The following DPP6 variants were observed in gnomAD, a reference collection of about 807,000 sequenced individuals.
The protein encoded by DPP6 is A-type potassium channel modulatory protein DPP6.
A neutral mutation model predicts 122.6 loss-of-function variants in DPP6; 69 were observed. The observed-to-expected ratio is 0.56, with a 90% confidence interval of 0.46 to 0.69. The LOEUF (loss-of-function observed/expected upper bound fraction) is 0.69. Among genes scored for constraint, DPP6 ranks in the 30% least tolerant of loss-of-function variants. The probability of loss-of-function intolerance (pLI) is 0.00; values close to 1 mark genes in which losing one functional copy is unlikely to be tolerated. For missense variants in DPP6, 928 were observed against 1,116.9 expected (o/e 0.83, Z 2.41); for synonymous variants, 418 against 433.1 (o/e 0.97, Z 0.43).
At chr7:154,706,286 G>A (rs1840825287) in intron 7 of DPP6, among the ~76,000 whole-genome samples, 1 of 152,120 alleles carries the variant, frequency 6.6e-6, no homozygotes, top group South Asian at 2.1e-4. Context: ...GGTGAACGTG[G>A]CTCCCTCTCC....
At chr7:154,205,782 AAAT>A (rs1799413954) in intron 1 of DPP6, among the ~76,000 whole-genome samples, 8 of 62,994 alleles carry the variant, frequency 1.3e-4, no homozygotes, top group African/African-American at 2.8e-4. Context: ...AAAAAAAAAA[AAAT>A]TAATTAATTA....
chr7:154,591,748 T>C, intron 5 of DPP6, among the ~76,000 whole-genome samples: 1 of 152,190 alleles, frequency 6.6e-6, no homozygotes, highest in East Asian at 1.9e-4. Context: ...GCCAAATGCA[T>C]CGCCAGCTGC....
intron 5 of DPP6, among the ~76,000 whole-genome samples, chr7:154,633,831 C>T (rs1408041914): frequency 2.0e-5 from 3 of 152,090 alleles, no homozygotes; most frequent in African/African-American, 7.2e-5. Context: ...TCCCACTTCC[C>T]CATTTTTTAA....
intron 1 of DPP6, among the ~76,000 whole-genome samples, chr7:153,909,772 G>T (rs1800000974): frequency 6.6e-6 from 1 of 152,224 alleles, no homozygotes. Context: ...GGAGCTTTCT[G>T]AGTACCTTTT....
intron 1 of DPP6, among the ~76,000 whole-genome samples, chr7:154,257,049 A>G (rs1234221110): frequency 6.9e-6 from 1 of 145,568 alleles, no homozygotes; most frequent in Non-Finnish European, 1.5e-5. Flanking sequence ...TGGGTTGGAA[A>G]GCAGTGGTGT....
intron 1 of DPP6, among the ~76,000 whole-genome samples, chr7:153,908,592 T>G (rs1174404531): frequency 6.6e-6 from 1 of 152,116 alleles, no homozygotes; most frequent in Non-Finnish European, 1.5e-5. Context: ...AATGTGGCAT[T>G]TATTTTTCTG....
At chr7:154,404,966 G>T (rs1447083211) in intron 1 of DPP6, among the ~76,000 whole-genome samples, 1 of 152,228 alleles carries the variant, frequency 6.6e-6, no homozygotes, top group Admixed American at 6.5e-5. Flanking sequence ...CTTAGAATAA[G>T]TTTAGTAATA....
Position 154,607,110 on chromosome 7 carries a change from G to C in DPP6, c.628-30711G>C, listed in dbSNP as rs1178633731. Reference sequence around the variant, plus strand: ...TCCACATGAGCAGCTCATTTCTCCAGTAAACTGTGGATCACAGGAAAAAGT... The same window carrying C: ...TCCACATGAGCAGCTCATTTCTCCACTAAACTGTGGATCACAGGAAAAAGT... On this transcript the variant is annotated intron_variant, in intron 5 of 25. Transcript: ENST00000377770. Among the ~76,000 whole-genome samples the C allele has an allele frequency of 1.7e-5, 2 of 120,904 alleles. 1 individual carries two copies. The highest frequency in any genetic ancestry group is 5.3e-5 in the African/African-American group (2 of 37,914). 79.3% of individuals were successfully genotyped at this position (120,904 alleles called of 152,430 possible).
In DPP6 at chr7:154,875,182, G is replaced by A. The variant is rs552389309; in HGVS notation, c.1884-724G>A. On this transcript the variant is annotated intron_variant, in intron 19 of 25. Coordinates refer to ENST00000377770, the MANE Select transcript of DPP6 (RefSeq NM_130797.4). The surrounding 1 kb of genome is among the most constrained non-coding windows in gnomAD (Gnocchi z 4.5). The stretch of plus-strand genomic sequence containing the variant: ...GAGGGGAGGGAGGGAGGAAGGGAGG[G>A]AACAGCCCTGTTTGAGGAAAAAGAA... Among the ~76,000 whole-genome samples the A allele has an allele frequency of 6.6e-6, 1 of 151,904 alleles. No homozygotes were observed. Among genetic ancestry groups the A allele is most frequent in the Admixed American group, 6.6e-5 (1 of 15,264 alleles).
chr7:154,874,588 C>T (rs1256802089), intron 19 of DPP6, among the ~76,000 whole-genome samples: 1 of 152,236 alleles, frequency 6.6e-6, no homozygotes, highest in African/African-American at 2.4e-5. Flanking sequence ...CTCACCAGGA[C>T]CCTAAGCATG....
At chr7:153,874,915 A>C in the DPP6 span, among the ~76,000 whole-genome samples, 1 of 152,204 alleles carries the variant, frequency 6.6e-6, no homozygotes, top group Non-Finnish European at 1.5e-5. Context: ...TATAGGTGTA[A>C]TTAAAGTTGC....
At chr7:154,802,721 C>T (rs189457136) in intron 13 of DPP6, among the ~76,000 whole-genome samples, 163 of 151,998 alleles carry the variant, frequency 1.1e-3, no homozygotes, top group African/African-American at 3.3e-3. Context: ...CCTGTAGTCC[C>T]AGCTACTTGG....
At chr7:153,989,739 G>A (rs2533614) in intron 1 of DPP6, among the ~76,000 whole-genome samples, 110 of 145,562 alleles carry the variant, frequency 7.6e-4, no homozygotes, top group South Asian at 3.1e-3. Context: ...GGATGTGGAT[G>A]CCTGTGAGGT....
At chr7:153,986,647 A>C (rs1478365784) in intron 1 of DPP6, among the ~76,000 whole-genome samples, 1 of 152,230 alleles carries the variant, frequency 6.6e-6, no homozygotes, top group Non-Finnish European at 1.5e-5. Flanking sequence ...GAATGCTGAA[A>C]GTTTTAGCAG....
intron 1 of DPP6, among the ~76,000 whole-genome samples, chr7:154,028,148 G>C (rs1799039445): frequency 6.6e-6 from 1 of 151,948 alleles, no homozygotes; most frequent in Non-Finnish European, 1.5e-5. Context: ...TATGACATTT[G>C]TGTGGGGTTC....
chr7:154,838,037 G>T (rs1563267540), intron 16 of DPP6, among the ~76,000 whole-genome samples: 2 of 152,146 alleles, frequency 1.3e-5, no homozygotes, highest in Admixed American at 6.5e-5. Flanking sequence ...GTCTCCACTT[G>T]CAGGGCACTC....
chr7:154,574,474 G>GTGTGGTGTGTGTATGTGTA (rs1385495018), intron 5 of DPP6, among the ~76,000 whole-genome samples: 2 of 135,730 alleles, frequency 1.5e-5, no homozygotes, highest in Non-Finnish European at 1.6e-5. Context: ...GTGTATATGT[G>GTGTGGTGTGTGTATGTGTA]TGTGGTGTGT....
chr7:154,186,753 A>G lies in DPP6; in HGVS notation c.243+133690A>G, dbSNP rs1433889141. On this transcript the variant is annotated intron_variant, in intron 1 of 25. Transcript: ENST00000377770. Reference sequence around the variant, plus strand: ...TATTTAGGAAATTTAAATGGGTGATATAATTACTCGGTTGTCTCAATTCTG... The same window carrying G: ...TATTTAGGAAATTTAAATGGGTGATGTAATTACTCGGTTGTCTCAATTCTG... Among the ~76,000 whole-genome samples the G allele has an allele frequency of 4.6e-5, 7 of 152,402 alleles. No homozygotes were observed. In the East Asian group the frequency reaches 5.8e-4, roughly 13 times the overall value.
intron 5 of DPP6, among the ~76,000 whole-genome samples, chr7:154,630,507 C>T (rs1563035074): frequency 6.6e-6 from 1 of 152,234 alleles, no homozygotes; most frequent in Admixed American, 6.5e-5. Flanking sequence ...TGGAAGGAAA[C>T]AGAGAATTCT....
Sources: gnomAD v4.1 joint callset for allele counts (sites outside exome capture counted in the v4.1 genomes callset) on GRCh38, gnomAD v4.1.1 for gene constraint, Gnocchi (gnomAD v3.1) non-coding constraint, MANE v1.5 for transcripts, NCBI Gene and HGNC (gene_info 2026-07-23, HGNC 2026-07-21) for gene names.